The following STK32A variants were observed in gnomAD, a reference collection of about 807,000 sequenced individuals.
STK32A encodes serine/threonine-protein kinase 32A.
A neutral mutation model predicts 53.2 loss-of-function variants in STK32A; 41 were observed. That is an observed-to-expected ratio of 0.77 (90% CI 0.60 to 1.00). STK32A has a LOEUF of 1.00. STK32A is among the 50% of genes least tolerant of loss of function. The pLI, the probability that STK32A is intolerant of heterozygous loss-of-function variation, is 0.00. For missense variants in STK32A, 458 were observed against 485.8 expected (o/e 0.94, Z 0.54); for synonymous variants, 166 against 162.8 (o/e 1.02, Z -0.15).
intron 2 of STK32A, among the ~76,000 whole-genome samples, chr5:147,253,863 T>G (rs1411618911): frequency 6.6e-6 from 1 of 152,190 alleles, no homozygotes; most frequent in Non-Finnish European, 1.5e-5. Context: ...CATTTTATTT[T>G]CATTCAAAAT....
At chr5:147,366,513 C>T (rs187630826) in intron 8 of STK32A, among the ~76,000 whole-genome samples, 2 of 152,226 alleles carry the variant, frequency 1.3e-5, no homozygotes, top group Admixed American at 1.3e-4. Context: ...TACTTTATCA[C>T]CTATGACAAA....
At chr5:147,272,643 T>C (rs544019225) in intron 2 of STK32A, among the ~76,000 whole-genome samples, 3 of 146,346 alleles carry the variant, frequency 2.0e-5, no homozygotes, top group Non-Finnish European at 4.5e-5. Flanking sequence ...TGTTAATGGT[T>C]GCTTCATGGA....
In STK32A at chr5:147,334,836, T is replaced by C. The variant is rs137990850; in HGVS notation, c.435-8170T>C. On this transcript the variant is annotated intron_variant, in intron 5 of 12. Transcript: ENST00000397936. ...TCTTTCAATGTTTTCTGGAAGTTAGTTGAATAATTACTGTGCACCAGATAC... is the reference window on the plus strand; with the variant it reads ...TCTTTCAATGTTTTCTGGAAGTTAGCTGAATAATTACTGTGCACCAGATAC... Among the ~76,000 whole-genome samples, 105 of 152,286 alleles carry C rather than the reference T, an allele frequency of 6.9e-4. 1 individual carries two copies. Among genetic ancestry groups the C allele is most frequent in the African/African-American group, 2.5e-3 (103 of 41,558 alleles).
chr5:147,237,268 G>A (rs1460274246), intron 1 of STK32A, among the ~76,000 whole-genome samples: 1 of 151,824 alleles, frequency 6.6e-6, no homozygotes, highest in South Asian at 2.1e-4. Context: ...AGCCGAGATG[G>A]TGCCACTGCA....
intron 4 of STK32A, among the ~76,000 whole-genome samples, chr5:147,315,452 A>T (rs1173994900): frequency 6.6e-6 from 1 of 152,200 alleles, no homozygotes; most frequent in Non-Finnish European, 1.5e-5. Context: ...AAATCTTATA[A>T]TAAATGAAAT....
At chr5:147,397,643 C>T in the STK32A span, 4 of 1,606,912 alleles carry the variant, frequency 2.5e-6, no homozygotes, top group Non-Finnish European at 1.7e-6. Flanking sequence ...CCTGCACCAC[C>T]TCAGAGCTCC....
chr5:147,255,376 G>A (rs1754183271), intron 2 of STK32A, among the ~76,000 whole-genome samples: 1 of 152,132 alleles, frequency 6.6e-6, no homozygotes, highest in South Asian at 2.1e-4. Flanking sequence ...ACATTTTTAT[G>A]AGCCTCTGCA....
At chr5:147,357,027 T>C (rs186620010) in intron 7 of STK32A, among the ~76,000 whole-genome samples, 1 of 152,166 alleles carries the variant, frequency 6.6e-6, no homozygotes, top group Non-Finnish European at 1.5e-5. Flanking sequence ...AAAACAGTAA[T>C]GTGGGTAATG....
downstream of STK32A, chr5:147,391,248 C>T (rs983026175): frequency 1.3e-5 from 2 of 152,584 alleles, no homozygotes; most frequent in African/African-American, 4.8e-5. Context: ...TATAGACAGT[C>T]GTGAAGAACA....
chr5:147,276,444 A>T (rs894941513), intron 2 of STK32A, among the ~76,000 whole-genome samples: 2 of 152,194 alleles, frequency 1.3e-5, no homozygotes, highest in Admixed American at 6.5e-5. Flanking sequence ...TAACTCATTA[A>T]TGGGTTTTGA....
At chr5:147,301,817 T>G (rs1379934520) in intron 4 of STK32A, among the ~76,000 whole-genome samples, 1 of 152,186 alleles carries the variant, frequency 6.6e-6, no homozygotes, top group Non-Finnish European at 1.5e-5. Context: ...GGGCTGTGTT[T>G]CTTCCAGAGC....
At chr5:147,271,319 TC>T (rs1442422881) in intron 2 of STK32A, among the ~76,000 whole-genome samples, 1 of 152,210 alleles carries the variant, frequency 6.6e-6, no homozygotes, top group East Asian at 1.9e-4. Context: ...CCTATGCCTG[TC>T]TTTACTTTAA....
At chr5:147,314,187 A>G (rs1332685343) in intron 4 of STK32A, among the ~76,000 whole-genome samples, 1 of 152,156 alleles carries the variant, frequency 6.6e-6, no homozygotes, top group East Asian at 1.9e-4. Flanking sequence ...TATATCTACT[A>G]AAGGATGTGC....
At chr5:147,361,659 C>A in intron 8 of STK32A, 45 bp downstream of exon 8, 1 of 1,354,538 alleles carries the variant, frequency 7.4e-7, no homozygotes, top group South Asian at 1.2e-5. Flanking sequence ...CCAGCAAGTT[C>A]TATTTTAGAA....
intron 11 of STK32A, among the ~76,000 whole-genome samples, chr5:147,382,164 G>A (rs1055177837): frequency 6.6e-5 from 10 of 152,096 alleles, no homozygotes; most frequent in African/African-American, 2.4e-4. Flanking sequence ...CCACTGTCCT[G>A]TCATCAAGTT....
intron 4 of STK32A, among the ~76,000 whole-genome samples, chr5:147,296,703 G>A (rs952200790): frequency 1.3e-5 from 2 of 151,994 alleles, no homozygotes; most frequent in Non-Finnish European, 2.9e-5. Context: ...TTTTCCTGGC[G>A]CCGGCTGCAA....
chr5:147,279,154 C>T, intron 3 of STK32A, 93 bp from the exon 4 acceptor site: 3 of 1,246,672 alleles, frequency 2.4e-6, no homozygotes, highest in Admixed American at 2.5e-5. Context: ...GTTAAGGATC[C>T]AAGCCACAGC....
intron 4 of STK32A, among the ~76,000 whole-genome samples, chr5:147,312,377 T>G (rs143987926): frequency 2.5e-3 from 375 of 152,288 alleles, no homozygotes; most frequent in African/African-American, 8.8e-3. Flanking sequence ...GTGCTGGGAT[T>G]ACAGGTGTGA....
chr5:147,345,414 G>T (rs1316630266), intron 6 of STK32A, among the ~76,000 whole-genome samples: 2 of 152,092 alleles, frequency 1.3e-5, no homozygotes, highest in Non-Finnish European at 2.9e-5. Context: ...TCTTTCCTTG[G>T]AAAGGAAGCT....
Sources: allele counts gnomAD v4.1 joint callset (sites outside exome capture counted in the v4.1 genomes callset), GRCh38; gene constraint gnomAD v4.1.1; transcripts MANE v1.5; gene names NCBI Gene and HGNC (gene_info 2026-07-23, HGNC 2026-07-21).